The following ZMYND19 variants were observed in gnomAD, a reference collection of about 807,000 sequenced individuals.
The protein encoded by ZMYND19 is zinc finger MYND-type containing 19.
ZMYND19 carries 17 observed loss-of-function variants against 32.0 expected under a neutral mutation model. That is an observed-to-expected ratio of 0.53 (90% CI 0.36 to 0.80). ZMYND19 has a LOEUF of 0.80. Among genes scored for constraint, ZMYND19 ranks in the 30% least tolerant of loss-of-function variants. ZMYND19 has a pLI of 0.00. For synonymous variants in ZMYND19, 124 were observed against 113.6 expected (o/e 1.09, Z -0.58); for missense variants, 250 against 293.6 (o/e 0.85, Z 1.09).
intron 2 of ZMYND19, 150 bp downstream of exon 2, chr9:137,588,509 G>T: frequency 1.2e-6 from 1 of 818,264 alleles, no homozygotes; most frequent in Non-Finnish European, 1.9e-6. Context: ...GCTCGAAGTG[G>T]GGCTGACGGC....
At chr9:137,584,076 G>C (rs1279175716) in intron 4 of ZMYND19, among the ~76,000 whole-genome samples, 1 of 152,264 alleles carries the variant, frequency 6.6e-6, no homozygotes, top group Non-Finnish European at 1.5e-5. Flanking sequence ...GGAGGCCACA[G>C]ACCAGGATCC....
Position 137,587,091 on chromosome 9 carries a change from C to A in ZMYND19, c.235G>T (p.Gly79Cys), listed in dbSNP as rs1842214094. 2 of 1,606,162 alleles carry A rather than the reference C, an allele frequency of 1.2e-6. No homozygotes were observed. Among genetic ancestry groups the A allele is most frequent in the Non-Finnish European group, 1.7e-6 (2 of 1,179,976 alleles). The change falls in exon 4 of 6, where the codon GGC becomes TGC. Residue 79 changes from glycine (G) to cysteine (C), a missense_variant. Physicochemically the swap from Gly to Cys is radical, Grantham distance 159 (BLOSUM62 -3). Coordinates refer to ENST00000298585, the MANE Select transcript of ZMYND19 (RefSeq NM_138462.3). ...HELLWERHRG[G>C]VAPGFQVVHL... ...ACCACCTGGAAGCCCGGGGCCACGC[C>A]CCCCCGGTGCCGCTCCCTAGAAACA...
At position 137,582,965 on chromosome 9, in the gene ZMYND19, G is replaced by A. The variant is rs752523734; in HGVS notation, c.540+18C>T. ...GGGTAGAGGTGCCAGGGACGCGACCGCACTGCAGCACACCCACCTGCTTCT... is the reference window on the plus strand; with the variant it reads ...GGGTAGAGGTGCCAGGGACGCGACCACACTGCAGCACACCCACCTGCTTCT... On this transcript the variant is annotated intron_variant, in intron 5 of 5. Transcript: ENST00000298585. 9.3e-6 allele frequency: 15 copies of A among 1,612,946 alleles called. No individual in the cohort carries two copies. Among genetic ancestry groups the A allele is most frequent in the South Asian group, 3.3e-5 (3 of 91,022 alleles).
At chr9:137,587,156 C>T in intron 3 of ZMYND19, 49 bp from the exon 4 acceptor site, 1 of 1,587,664 alleles carries the variant, frequency 6.3e-7, no homozygotes, top group Non-Finnish European at 8.5e-7. Flanking sequence ...CGCTGCCTCC[C>T]ACCCTCACAG....
intron 2 of ZMYND19, 24 bp downstream of exon 2, chr9:137,588,635 G>C: frequency 1.9e-6 from 3 of 1,613,868 alleles, no homozygotes; most frequent in Non-Finnish European, 2.5e-6. Flanking sequence ...AGCATCAGGG[G>C]AGGGAACAGC....
At position 137,588,684 on chromosome 9, in the gene ZMYND19, G is replaced by A. The variant is rs1046849011; in HGVS notation, c.86C>T (p.Pro29Leu). 3.7e-6 allele frequency: 6 copies of A among 1,614,180 alleles called. No individual in the cohort carries two copies. The highest frequency in any genetic ancestry group is 3.3e-5 in the South Asian group (3 of 91,090). ...KYTLIDEQDIPLVESYSFEAR... is the reference protein window; with the variant it reads ...KYTLIDEQDILLVESYSFEAR... ...CTCAAAGGAGTAGCTCTCCACCAGC[G>A]GGATGTCCTGCTCATCGATCAGCGT... The change falls in exon 2 of 6, where the codon CCG becomes CTG. Residue 29 changes from proline (P) to leucine (L), a missense_variant. This residue lies in a region of ZMYND19 where 212 missense variants were observed against 218.8 expected (regional missense o/e 0.97). Transcript: ENST00000298585.
At chr9:137,587,397 G>A (rs1283295928) in intron 3 of ZMYND19, 6 of 596,154 alleles carry the variant, frequency 1.0e-5, no homozygotes, top group South Asian at 6.3e-5. Context: ...AGATGGCCTC[G>A]AGACAGCTCC....
Position 137,582,434 on chromosome 9 carries a change from T to TG in ZMYND19, c.*108dup. ...ATCGGGAGTCTCACGGCAGCTGTCC[T>TG]GGGCCCGCAGCTGGCTTTTTTGGCA... On this transcript the variant is annotated 3_prime_UTR_variant, in exon 6 of 6. Coordinates refer to ENST00000298585, the MANE Select transcript of ZMYND19 (RefSeq NM_138462.3). 6.8e-7 allele frequency: 1 copy of TG among 1,479,112 alleles called. No individual in the cohort carries two copies. The highest frequency in any genetic ancestry group is 9.0e-7 in the Non-Finnish European group (1 of 1,105,940). The allele number at this position is 1,479,112 out of a possible 1,614,324, so 91.6% of individuals were successfully genotyped here.
At chr9:137,586,429 G>A (rs1289653761) in intron 4 of ZMYND19, among the ~76,000 whole-genome samples, 1 of 151,412 alleles carries the variant, frequency 6.6e-6, no homozygotes, top group Non-Finnish European at 1.5e-5. Context: ...CCTGACGTGA[G>A]CAGAGAAGGA....
chr9:137,585,910 GA>G (rs1483514858), intron 4 of ZMYND19, among the ~76,000 whole-genome samples: 2 of 152,258 alleles, frequency 1.3e-5, no homozygotes, highest in African/African-American at 4.8e-5. Flanking sequence ...AGGCTGCCCA[GA>G]GGCTTGAGGA....
At chr9:137,589,475 G>GCTC (rs1842244583) in intron 1 of ZMYND19, 1 of 985,448 alleles carries the variant, frequency 1.0e-6, no homozygotes, top group East Asian at 1.1e-4. Flanking sequence ...CGGGAACAGG[G>GCTC]CTCCCATCCG....
In ZMYND19 at chr9:137,582,232, T is replaced by C; in HGVS notation, c.*311A>G. ...TTTGCCATTTAAGGATTACAGCAAA[T>C]GATTCTATTTGTAATTTCTACCCTT... On this transcript the variant is annotated 3_prime_UTR_variant, in exon 6 of 6. Coordinates refer to ENST00000298585, the MANE Select transcript of ZMYND19 (RefSeq NM_138462.3). 1 of 265,096 alleles carries C rather than the reference T, an allele frequency of 3.8e-6. No individual in the cohort carries two copies. The highest frequency in any genetic ancestry group is 7.2e-6 in the Non-Finnish European group (1 of 139,462). 16.4% of individuals were successfully genotyped at this position (265,096 alleles called of 1,614,324 possible). A position where few individuals can be genotyped will look rare whatever the true frequency, so the allele number is the denominator to read the frequency against.
At chr9:137,588,907 C>T (rs900295416) in intron 1 of ZMYND19, 189 bp from the exon 2 acceptor site, 13 of 600,642 alleles carry the variant, frequency 2.2e-5, no homozygotes, top group East Asian at 2.0e-4. Context: ...GTGCAGTCTA[C>T]GACAAAACAC....
At chr9:137,585,571 G>A (rs1842195389) in intron 4 of ZMYND19, among the ~76,000 whole-genome samples, 1 of 152,078 alleles carries the variant, frequency 6.6e-6, no homozygotes. Flanking sequence ...CAACAAGAAC[G>A]AAAGACACTT....
At chr9:137,589,647 G>A (rs746810604) in intron 1 of ZMYND19, 45 of 985,386 alleles carry the variant, frequency 4.6e-5, no homozygotes, top group Non-Finnish European at 5.4e-5. Flanking sequence ...TCAGGGCCCA[G>A]GCTTCTTCCT....
At chr9:137,586,384 G>A (rs556075625) in intron 4 of ZMYND19, among the ~76,000 whole-genome samples, 17 of 150,784 alleles carry the variant, frequency 1.1e-4, no homozygotes, top group Admixed American at 2.0e-4. Context: ...AGCAGAGAAG[G>A]AAGGAATCCT....
chr9:137,583,761 C>T lies in ZMYND19; in HGVS notation c.360-598G>A, dbSNP rs1472535426. Among the ~76,000 whole-genome samples the T allele has an allele frequency of 3.3e-5, 5 of 152,218 alleles. No individual in the cohort carries two copies. The East Asian group carries it at 5.8e-4, about 18-fold the overall frequency. On this transcript the variant is annotated intron_variant, in intron 4 of 5. Transcript: ENST00000298585. ...AGACCCTGAGGAGACTTGGTTAAAA[C>T]GGGGAAGGATCAGGACATGGGAAGA...
chr9:137,582,532 TC>T lies in ZMYND19; in HGVS notation c.*10del. On this transcript the variant is annotated 3_prime_UTR_variant, in exon 6 of 6. Coordinates refer to ENST00000298585, the MANE Select transcript of ZMYND19 (RefSeq NM_138462.3). ...CCCGGGGGCTGTGAGTATGTGTGGC[TC>T]CCCTGCCCGTCATCGCTCTGGCTCA... 6.2e-7 allele frequency: 1 copy of T among 1,610,716 alleles called. No individual in the cohort carries two copies. The highest frequency in any genetic ancestry group is 8.5e-7 in the Non-Finnish European group (1 of 1,179,488).
intron 4 of ZMYND19, among the ~76,000 whole-genome samples, chr9:137,586,045 C>T (rs941793462): frequency 1.3e-5 from 2 of 152,218 alleles, no homozygotes; most frequent in East Asian, 1.9e-4. Context: ...CCCAAGGGCT[C>T]CATGAAGTTC....
Sources: gnomAD v4.1 joint callset for allele counts (sites outside exome capture counted in the v4.1 genomes callset) on GRCh38, gnomAD v4.1.1 for gene constraint, gnomAD v4.1.1 regional missense constraint, MANE v1.5 for transcripts, NCBI Gene and HGNC (gene_info 2026-07-23, HGNC 2026-07-21) for gene names.